The following SORCS1 variants were observed in gnomAD, a reference collection of about 807,000 sequenced individuals.
SORCS1 encodes the protein VPS10 domain-containing receptor SorCS1.
In SORCS1, 60 loss-of-function variants were observed where a neutral mutation model predicts 146.1. That is an observed-to-expected ratio of 0.41 (90% CI 0.33 to 0.51). SORCS1 has a LOEUF of 0.51. SORCS1 is among the 20% of genes least tolerant of loss of function. The pLI is 0.21. For missense variants in SORCS1, 1,352 were observed against 1,487.6 expected (o/e 0.91, Z 1.50); for synonymous variants, 637 against 584.0 (o/e 1.09, Z -1.31).
chr10:106,671,683 T>G (rs1364478802), intron 15 of SORCS1, among the ~76,000 whole-genome samples: 1 of 152,204 alleles, frequency 6.6e-6, no homozygotes, highest in South Asian at 2.1e-4. Flanking sequence ...CCTAGTGTAT[T>G]GCCAGTAAAT....
chr10:107,010,247 G>A (rs1957639790), intron 1 of SORCS1, among the ~76,000 whole-genome samples: 1 of 152,142 alleles, frequency 6.6e-6, no homozygotes, highest in South Asian at 2.1e-4. Flanking sequence ...TGGAGTAGGG[G>A]AGATTTCACA....
At chr10:106,756,543 G>C (rs188247848) in intron 5 of SORCS1, among the ~76,000 whole-genome samples, 26 of 152,258 alleles carry the variant, frequency 1.7e-4, no homozygotes, top group Admixed American at 7.8e-4. Context: ...CAAGACCACT[G>C]TTGCTGTCAG....
chr10:107,140,560 T>C (rs1024692397), intron 1 of SORCS1, among the ~76,000 whole-genome samples: 4 of 152,240 alleles, frequency 2.6e-5, no homozygotes, highest in African/African-American at 9.6e-5. Flanking sequence ...AAATGCATTC[T>C]ACAACCTGCC....
At chr10:106,719,857 C>A (rs192227649) in intron 6 of SORCS1, among the ~76,000 whole-genome samples, 1 of 152,334 alleles carries the variant, frequency 6.6e-6, no homozygotes, top group East Asian at 1.9e-4. Flanking sequence ...GCCCGCCCCT[C>A]TCTCTATTCC....
intron 3 of SORCS1, among the ~76,000 whole-genome samples, chr10:106,780,077 G>T (rs2136404156): frequency 6.6e-6 from 1 of 152,114 alleles, no homozygotes; most frequent in South Asian, 2.1e-4. Flanking sequence ...AAAATTTAAT[G>T]CGATCTAAAT....
At chr10:106,716,946 A>G (rs2135905274) in intron 6 of SORCS1, among the ~76,000 whole-genome samples, 1 of 152,286 alleles carries the variant, frequency 6.6e-6, no homozygotes. Context: ...GACCAGCCTG[A>G]CCAACACAGC....
At chr10:106,713,900 G>A (rs1236250279) in intron 6 of SORCS1, among the ~76,000 whole-genome samples, 1 of 151,922 alleles carries the variant, frequency 6.6e-6, no homozygotes, top group Non-Finnish European at 1.5e-5. Flanking sequence ...GTGGTAATTT[G>A]GCAATATGAA....
At chr10:106,826,275 A>G (rs1948300371) in intron 3 of SORCS1, among the ~76,000 whole-genome samples, 1 of 152,238 alleles carries the variant, frequency 6.6e-6, no homozygotes, top group Admixed American at 6.5e-5. Flanking sequence ...AGTTGCTCCC[A>G]CTAGCGTGAA....
chr10:106,717,686 A>C (rs1313123606), intron 6 of SORCS1, among the ~76,000 whole-genome samples: 1 of 152,250 alleles, frequency 6.6e-6, no homozygotes, highest in African/African-American at 2.4e-5. Flanking sequence ...ACAAAAGCAC[A>C]CTATTAGGTT....
chr10:107,014,476 C>A (rs1957817765), intron 1 of SORCS1, among the ~76,000 whole-genome samples: 1 of 152,060 alleles, frequency 6.6e-6, no homozygotes, highest in Non-Finnish European at 1.5e-5. Context: ...TTTTCTATGG[C>A]AAAATGAGAA....
intron 1 of SORCS1, among the ~76,000 whole-genome samples, chr10:107,138,672 G>C (rs1339901646): frequency 6.6e-6 from 1 of 152,158 alleles, no homozygotes; most frequent in South Asian, 2.1e-4. Flanking sequence ...AGATTTTCAA[G>C]GCAATTTAAT....
chr10:106,773,089 C>T (rs1860150671), intron 4 of SORCS1, among the ~76,000 whole-genome samples: 1 of 152,164 alleles, frequency 6.6e-6, no homozygotes, highest in Non-Finnish European at 1.5e-5. Context: ...CTCAATAATG[C>T]ATTTTCTAAG....
intron 5 of SORCS1, among the ~76,000 whole-genome samples, chr10:106,751,923 A>T (rs1163870168): frequency 6.6e-6 from 1 of 152,212 alleles, no homozygotes; most frequent in East Asian, 1.9e-4. Flanking sequence ...ACCTTAAAAA[A>T]CTTATCTTCT....
chr10:106,729,970 A>AT (rs796188352), intron 6 of SORCS1, 80 bp downstream of exon 6: 1 of 1,514,486 alleles, frequency 6.6e-7, no homozygotes, highest in African/African-American at 1.4e-5. Context: ...ACACCATGAG[A>AT]TTATTACACA....
the SORCS1 span, among the ~76,000 whole-genome samples, chr10:107,175,923 C>G: frequency 6.6e-6 from 1 of 151,846 alleles, no homozygotes; most frequent in African/African-American, 2.4e-5. Context: ...TTTTTGTTTT[C>G]TTTCATTGTC....
In SORCS1 at chr10:106,667,882, G is replaced by C; in HGVS notation, c.2190-80C>G. On this transcript the variant is annotated intron_variant, in intron 16 of 25. Transcript: ENST00000263054. Reference sequence around the variant, plus strand: ...CAATTCTACATCAGTCCACAGCCAAGTTCCACACTAATCAATTAGTCATAA... The same window carrying C: ...CAATTCTACATCAGTCCACAGCCAACTTCCACACTAATCAATTAGTCATAA... 5.9e-6 allele frequency: 5 copies of C among 847,224 alleles called. No homozygotes were observed. The South Asian group carries it at 7.8e-5, about 13-fold the overall frequency. The allele number at this position is 847,224 out of a possible 1,614,324, so 52.5% of individuals were successfully genotyped here.
In SORCS1 at chr10:106,845,752, T is replaced by G. The variant is rs1392151268; in HGVS notation, c.627-16079A>C. ...AAATCTTTAATCCATCTTGAATTGA[T>G]TTTTGTATAAGGTGTAAGGAAGGGA... On this transcript the variant is annotated intron_variant, in intron 2 of 25. Coordinates refer to ENST00000263054, the MANE Select transcript of SORCS1 (RefSeq NM_052918.5). Among the ~76,000 whole-genome samples, 15 of 68,312 alleles carry G rather than the reference T, an allele frequency of 2.2e-4. 1 individual carries two copies. Among genetic ancestry groups the G allele is most frequent in the South Asian group, 1.6e-3 (2 of 1,272 alleles). The allele number at this position is 68,312 out of a possible 152,430, so 44.8% of individuals were successfully genotyped here.
chr10:106,605,080 G>A (rs1846481671), intron 23 of SORCS1, among the ~76,000 whole-genome samples: 1 of 152,226 alleles, frequency 6.6e-6, no homozygotes. Context: ...CTACATGTGT[G>A]CCAATTCTAA....
intron 1 of SORCS1, among the ~76,000 whole-genome samples, chr10:106,974,201 C>G (rs1955903180): frequency 6.6e-6 from 1 of 152,118 alleles, no homozygotes; most frequent in Admixed American, 6.5e-5. Flanking sequence ...TCCATTGCAA[C>G]AAAACAATGA....
Sources: gnomAD v4.1 joint callset for allele counts (sites outside exome capture counted in the v4.1 genomes callset) on GRCh38, gnomAD v4.1.1 for gene constraint, MANE v1.5 for transcripts, NCBI Gene and HGNC (gene_info 2026-07-23, HGNC 2026-07-21) for gene names.